The following PTPRS variants were observed in gnomAD, a reference collection of about 807,000 sequenced individuals.
PTPRS encodes the protein protein tyrosine phosphatase receptor type S, also known as receptor-type tyrosine-protein phosphatase S.
A neutral mutation model predicts 215.3 loss-of-function variants in PTPRS; 63 were observed. The observed-to-expected ratio is 0.29, with a 90% CI of 0.24 to 0.36. The LOEUF is 0.36. Among genes scored for constraint, PTPRS ranks in the 10% least tolerant of loss-of-function variants. The probability of loss-of-function intolerance (pLI) is 1.00; values close to 1 mark genes in which losing one functional copy is unlikely to be tolerated. For synonymous variants in PTPRS, 1,404 were observed against 1,191.4 expected, an observed-to-expected ratio of 1.18 and a Z score of -3.68; for missense variants, 2,258 against 2,825.8, an observed-to-expected ratio of 0.80 and a Z score of 4.56.
In PTPRS at chr19:5,273,557, C is replaced by T. The variant is rs1027443978; in HGVS notation, c.264G>A (p.Gly88=). 1.9e-6 allele frequency: 3 copies of T among 1,614,038 alleles called. No individual in the cohort carries two copies. Among genetic ancestry groups the T allele is most frequent in the Non-Finnish European group, 1.7e-6 (2 of 1,180,038 alleles). The change falls in exon 4 of 38, where the codon GGG becomes GGA. Residue 88 remains glycine (G), a synonymous_variant. Coordinates refer to ENST00000262963, the MANE Select transcript of PTPRS (RefSeq NM_002850.4). ...TCAGCGGCTGGATCCTCAGCACTGC[C>T]CCTGCACTCTCATCAAACTCAATCG... The part of the protein sequence containing the change: ...FETIEFDESA[G]AVLRIQPLRT...
chr19:5,210,608 G>A lies in PTPRS; in HGVS notation c.5362-14C>T. The A allele has an allele frequency of 1.9e-6, 3 of 1,614,152 alleles. No individual in the cohort carries two copies. Among genetic ancestry groups the A allele is most frequent in the African/African-American group, 2.7e-5 (2 of 75,052 alleles). Reference sequence around the variant, plus strand: ...GTGACACTTCTCCTGTGGAGGAGATGGCGGCCGTGGTCAGCGCTGTCTGAG... The same window carrying A: ...GTGACACTTCTCCTGTGGAGGAGATAGCGGCCGTGGTCAGCGCTGTCTGAG... On this transcript the variant is annotated splice_polypyrimidine_tract_variant and intron_variant, in intron 34 of 37. Transcript: ENST00000262963. The surrounding 1 kb of genome is among the most constrained non-coding windows in gnomAD (Gnocchi z 4.5).
At position 5,239,129 on chromosome 19, in the gene PTPRS, G is replaced by GGA. The variant is rs1170884094; in HGVS notation, c.1705-68_1705-67dup. ...AGAGAGAGAGAGACAGAAACAAAGG[G>GGA]GAGAGAGAGAGAGACAGAAACAGAG... On this transcript the variant is annotated intron_variant, in intron 12 of 37. Transcript: ENST00000262963. The GGA allele has an allele frequency of 1.0e-4, 123 of 1,174,454 alleles. 4 individuals are homozygous for GGA. The highest frequency in any genetic ancestry group is 3.6e-4 in the Admixed American group (17 of 47,870). 72.8% of individuals were successfully genotyped at this position (1,174,454 alleles called of 1,614,324 possible). A position where few individuals can be genotyped will look rare whatever the true frequency, so the allele number is the denominator to read the frequency against.
intron 1 of PTPRS, among the ~76,000 whole-genome samples, chr19:5,332,675 C>T (rs1288631034): frequency 1.3e-5 from 2 of 152,206 alleles, no homozygotes; most frequent in Non-Finnish European, 2.9e-5. Context: ...TCCTCCTGCG[C>T]AAGGCCCAGC....
rs2040350754 is a variant in PTPRS, at chr19:5,206,150, C to A, written c.*624G>T. 6.7e-6 allele frequency among the ~76,000 whole-genome samples: 1 copy of A among 148,572 alleles called. No individual in the cohort carries two copies. Among genetic ancestry groups the A allele is most frequent in the African/African-American group, 2.5e-5 (1 of 40,244 alleles). ...CGTAACTATCACACAAGGACGCTTT[C>A]TACAGTGAAAAAATAGACTGTCTTT... On this transcript the variant is annotated 3_prime_UTR_variant, in exon 38 of 38. Coordinates refer to ENST00000262963, the MANE Select transcript of PTPRS (RefSeq NM_002850.4).
intron 12 of PTPRS, 110 bp from the exon 13 acceptor site, chr19:5,239,173 G>GAC (rs962537672): frequency 2.8e-6 from 2 of 716,914 alleles, no homozygotes; most frequent in African/African-American, 3.8e-5. Context: ...GGGAGAGAGA[G>GAC]AGAGAGAGAG....
At chr19:5,230,996 G>T (rs140458319) in intron 14 of PTPRS, among the ~76,000 whole-genome samples, 4 of 152,196 alleles carry the variant, frequency 2.6e-5, no homozygotes, top group Non-Finnish European at 5.9e-5. Context: ...GTTGTTGCAG[G>T]TGCTATTTGC....
intron 8 of PTPRS, 98 bp from the exon 9 acceptor site, chr19:5,256,217 G>T: frequency 2.2e-6 from 2 of 905,712 alleles, no homozygotes; most frequent in Non-Finnish European, 3.1e-6. Context: ...ACTTCCCAAG[G>T]CTAAAAGCTG....
intron 12 of PTPRS, 55 bp from the exon 13 acceptor site, chr19:5,239,118 A>G: frequency 7.3e-7 from 1 of 1,375,600 alleles, no homozygotes; most frequent in Non-Finnish European, 1.0e-6. Context: ...AGAGAGAGAC[A>G]GAAACAAAGG....
rs376225379 is a variant in PTPRS, at chr19:5,291,713, TC to T, written c.-94-5480del. Reference sequence around the variant, plus strand: ...CCCCAGCTGGCCCATGGTCAGTTCATCCTGTAAGCTGCAGCCACGAGATGCC... The same window carrying T: ...CCCCAGCTGGCCCATGGTCAGTTCATCTGTAAGCTGCAGCCACGAGATGCC... On this transcript the variant is annotated intron_variant, in intron 1 of 37. Coordinates refer to ENST00000262963, the MANE Select transcript of PTPRS (RefSeq NM_002850.4). Among the ~76,000 whole-genome samples the T allele has an allele frequency of 1.5e-3, 221 of 151,986 alleles. 3 individuals carry two copies. Among genetic ancestry groups the T allele is most frequent in the African/African-American group, 5.0e-3 (207 of 41,422 alleles).
At position 5,225,844 on chromosome 19, in the gene PTPRS, C is replaced by G. The variant is rs765509959; in HGVS notation, c.2377G>C (p.Glu793Gln). The stretch of plus-strand genomic sequence containing the variant: ...GGCTGCAAGTTTGTGATGACCATCT[C>G]CTGCAGGCACGGCTGGGGGTCAGCA... ...QWETDDTAEY[E>Q]MVITNLQPET... Residue 793 changes from glutamate to glutamine, a missense_variant and splice_region_variant, in exon 17 of 38, where the codon GAG (glutamate) becomes CAG (glutamine). This residue lies in a region of PTPRS where 371 missense variants were observed against 446.7 expected (regional missense o/e 0.83). Coordinates refer to ENST00000262963, the MANE Select transcript of PTPRS (RefSeq NM_002850.4). The G allele has an allele frequency of 6.2e-7, 1 of 1,613,210 alleles. No homozygotes were observed. The highest frequency in any genetic ancestry group is 1.7e-5 in the Admixed American group (1 of 60,024).
In PTPRS at chr19:5,280,166, G is replaced by A. The variant is rs563405786; in HGVS notation, c.92-5822C>T. 1.6e-4 allele frequency among the ~76,000 whole-genome samples: 25 copies of A among 152,350 alleles called. 3 individuals are homozygous for A. Among genetic ancestry groups the A allele is most frequent in the Admixed American group, 6.5e-4 (10 of 15,304 alleles). The stretch of plus-strand genomic sequence containing the variant: ...GACCAGCTAGAAAAGGGTAGAGTGA[G>A]TCCAGGGGCCACACAGGTTGACCAG... On this transcript the variant is annotated intron_variant, in intron 2 of 37. Coordinates refer to ENST00000262963, the MANE Select transcript of PTPRS (RefSeq NM_002850.4).
chr19:5,285,877 G>C (rs567647467), intron 2 of PTPRS, among the ~76,000 whole-genome samples, 173 bp downstream of exon 2: 13 of 152,264 alleles, frequency 8.5e-5, no homozygotes, highest in African/African-American at 3.1e-4. Flanking sequence ...ATCTCTTAGG[G>C]CTCAGCACAC....
At chr19:5,324,828 C>T (rs1040408134) in intron 1 of PTPRS, among the ~76,000 whole-genome samples, 3 of 152,154 alleles carry the variant, frequency 2.0e-5, no homozygotes, top group African/African-American at 7.2e-5. Context: ...CATGCTTGGT[C>T]GTTCACCATC....
chr19:5,239,107 GA>G, intron 12 of PTPRS, 44 bp from the exon 13 acceptor site: 1 of 1,483,110 alleles, frequency 6.7e-7, no homozygotes, highest in Non-Finnish European at 9.3e-7. Flanking sequence ...GGGGGAGAGA[GA>G]GAGAGAGACA....
intron 1 of PTPRS, among the ~76,000 whole-genome samples, chr19:5,320,128 T>C (rs953017701): frequency 1.2e-4 from 19 of 152,196 alleles, no homozygotes; most frequent in African/African-American, 4.3e-4. Flanking sequence ...GGCGGAAGCC[T>C]CCACGCCTAC....
chr19:5,215,670 CT>C, intron 26 of PTPRS, 75 bp from the exon 27 acceptor site: 1 of 1,060,710 alleles, frequency 9.4e-7, no homozygotes, highest in Non-Finnish European at 1.4e-6. Flanking sequence ...GGGGGGTGAT[CT>C]ACGTGTGAGT....
chr19:5,242,990 A>AT (rs1310764685), intron 11 of PTPRS, among the ~76,000 whole-genome samples: 7 of 151,714 alleles, frequency 4.6e-5, no homozygotes, highest in African/African-American at 1.7e-4. Context: ...TGGGTCCTAT[A>AT]TATGTTTCTT....
chr19:5,211,955 C>A lies in PTPRS; in HGVS notation c.5055+10G>T, dbSNP rs369487284. 27 of 1,583,442 alleles carry A rather than the reference C, an allele frequency of 1.7e-5. No individual in the cohort carries two copies. The highest frequency in any genetic ancestry group is 2.2e-5 in the Non-Finnish European group (26 of 1,165,832). On this transcript the variant is annotated intron_variant, in intron 32 of 37. Coordinates refer to ENST00000262963, the MANE Select transcript of PTPRS (RefSeq NM_002850.4). ...CACCCCGCCCACAGCAGCCTCCACC[C>A]CGCTGGCACCTTGAACTCGAGTTCC... is the stretch of plus-strand genomic sequence containing the variant.
rs1453311286 is a variant in PTPRS, at chr19:5,304,179, G to C, written c.-94-17945C>G. Among the ~76,000 whole-genome samples the C allele has an allele frequency of 2.0e-5, 3 of 152,002 alleles. No homozygotes were observed. In the East Asian group the frequency reaches 5.8e-4, roughly 29 times the overall value. On this transcript the variant is annotated intron_variant, in intron 1 of 37. Transcript: ENST00000262963. ...GGGGGCCCTGGAAGTTAAAGGCCAG[G>C]TCTTGGCCAGGCGTGGTAGCTCACA...
Sources: allele counts gnomAD v4.1 joint callset (sites outside exome capture counted in the v4.1 genomes callset), GRCh38; gene constraint gnomAD v4.1.1; regional missense constraint gnomAD v4.1.1; non-coding constraint Gnocchi (gnomAD v3.1); transcripts MANE v1.5; gene names NCBI Gene and HGNC (gene_info 2026-07-23, HGNC 2026-07-21).